Variants in RLF observed in about 807,000 individuals in gnomAD.
RLF encodes RLF zinc finger, also known as zinc finger protein Rlf.
A neutral mutation model predicts 162.9 loss-of-function variants in RLF; 7 were observed. The observed-to-expected ratio is 0.04, with a 90% CI of 0.02 to 0.08. The LOEUF (loss-of-function observed/expected upper bound fraction) is 0.08, where lower values mean the gene tolerates loss of function less well. RLF is among the 10% of genes least tolerant of loss of function. The probability of loss-of-function intolerance (pLI) is 1.00; values close to 1 mark genes in which losing one functional copy is unlikely to be tolerated. For missense variants in RLF, 1,664 were observed against 2,244.7 expected, an observed-to-expected ratio of 0.74 and a Z score of 5.23; for synonymous variants, 782 against 791.5, an observed-to-expected ratio of 0.99 and a Z score of 0.20.
chr1:40,175,239 C>A (rs1642304429), intron 1 of RLF, among the ~76,000 whole-genome samples: 1 of 151,914 alleles, frequency 6.6e-6, no homozygotes, highest in Admixed American at 6.6e-5. Context: ...CAGACGTTCC[C>A]ATAAAGTTCT....
At chr1:40,175,782 C>A (rs12041312) in intron 1 of RLF, among the ~76,000 whole-genome samples, 1 of 133,196 alleles carries the variant, frequency 7.5e-6, no homozygotes, top group African/African-American at 2.8e-5. Flanking sequence ...AAGACTCCAT[C>A]TCAAAAAAAA....
At chr1:40,166,375 G>A (rs1472749986) in intron 1 of RLF, among the ~76,000 whole-genome samples, 1 of 151,908 alleles carries the variant, frequency 6.6e-6, no homozygotes. Context: ...TGGAGAAATA[G>A]GAACACTTTT....
chr1:40,191,630 T>G (rs1642559106), intron 3 of RLF, among the ~76,000 whole-genome samples: 1 of 151,738 alleles, frequency 6.6e-6, no homozygotes, highest in African/African-American at 2.4e-5. Context: ...GGCAAGAGAA[T>G]CTCTTAAGCC....
At chr1:40,165,596 A>G (rs1478439332) in intron 1 of RLF, among the ~76,000 whole-genome samples, 1 of 152,028 alleles carries the variant, frequency 6.6e-6, no homozygotes, top group Non-Finnish European at 1.5e-5. Context: ...GACACTGTAC[A>G]TACCTGTAGT....
chr1:40,236,039 C>G lies in RLF; in HGVS notation c.1337C>G (p.Pro446Arg). Residue 446 changes from proline (P) to arginine (R), a missense_variant, in exon 8 of 8, where the codon CCG becomes CGG. Physicochemically the swap from Pro to Arg is moderately radical, Grantham distance 103. Around this residue, in one of 15 missense-constraint regions of RLF, gnomAD observed 287 missense variants for 404.9 expected, o/e 0.71. Coordinates refer to ENST00000372771, the MANE Select transcript of RLF (RefSeq NM_012421.4). This position sits in a 1 kb window ranked among gnomAD's most constrained non-coding sequence, Gnocchi z 7.7. Reference sequence around the variant, plus strand: ...CAAAAATTTGATGAAGAAAATGCACCGGTTCCAAATTCTCTTCGATGTGAG... The same window carrying G: ...CAAAAATTTGATGAAGAAAATGCACGGGTTCCAAATTCTCTTCGATGTGAG... Reference protein sequence around the residue: ...PDQKFDEENAPVPNSLRCELL... With the variant: ...PDQKFDEENARVPNSLRCELL... 1.2e-6 allele frequency: 2 copies of G among 1,613,552 alleles called. No individual in the cohort carries two copies. The highest frequency in any genetic ancestry group is 1.7e-6 in the Non-Finnish European group (2 of 1,179,874).
intron 4 of RLF, among the ~76,000 whole-genome samples, chr1:40,201,934 C>G (rs894203575): frequency 6.6e-6 from 1 of 152,014 alleles, no homozygotes; most frequent in Non-Finnish European, 1.5e-5. Flanking sequence ...CTAGGACTAT[C>G]TCTCAGGTCT....
chr1:40,235,200 T>A (rs1226629360), intron 7 of RLF, among the ~76,000 whole-genome samples: 6 of 151,944 alleles, frequency 3.9e-5, no homozygotes, highest in Non-Finnish European at 5.9e-5. Context: ...TAGCTGGGAT[T>A]ACAGGCATGC....
chr1:40,170,408 G>A (rs976809365), intron 1 of RLF, among the ~76,000 whole-genome samples: 6 of 152,020 alleles, frequency 3.9e-5, no homozygotes, highest in African/African-American at 7.2e-5. Flanking sequence ...GACCACAGGC[G>A]CGTGCCACCA....
In RLF at chr1:40,239,207, A is replaced by G. The variant is rs201414399; in HGVS notation, c.4505A>G (p.His1502Arg). ...TGTCAAACAGCTGATACTCAGGGGC[A>G]TGAACATCAGACCACCAGGAGATCA... is the stretch of plus-strand genomic sequence containing the variant. Reference protein sequence around the residue: ...KVCQTADTQGHEHQTTRRSFN... With the variant: ...KVCQTADTQGREHQTTRRSFN... The change falls in exon 8 of 8, where the codon CAT (histidine) becomes CGT (arginine). Residue 1502 changes from histidine (H) to arginine (R), a missense_variant. By Grantham distance (29) the His-to-Arg change is conservative. Around this residue, in one of 15 missense-constraint regions of RLF, gnomAD observed 200 missense variants for 207.3 expected, o/e 0.96. Coordinates refer to ENST00000372771, the MANE Select transcript of RLF (RefSeq NM_012421.4). 39 of 1,614,214 alleles carry G rather than the reference A, an allele frequency of 2.4e-5. No homozygotes were observed. In the East Asian group the frequency reaches 3.8e-4, roughly 16 times the overall value.
At position 40,186,469 on chromosome 1, in the gene RLF, A is replaced by C. The variant is rs1396236759; in HGVS notation, c.238-2586A>C. ...AACTGGAAGTTCCTCAAGAGTATTG[A>C]ATCTTTGAAATTGTGTAGCTTACAG... On this transcript the variant is annotated intron_variant, in intron 1 of 7. Transcript: ENST00000372771. Among the ~76,000 whole-genome samples, 4 of 152,218 alleles carry C rather than the reference A, an allele frequency of 2.6e-5. No individual in the cohort carries two copies. The East Asian group carries it at 7.7e-4, about 29-fold the overall frequency.
chr1:40,240,211 C>A lies in RLF; in HGVS notation c.5509C>A (p.His1837Asn), dbSNP rs201181495. The change falls in exon 8 of 8, where the codon CAT becomes AAT. Residue 1837 changes from histidine (H) to asparagine (N), a missense_variant. Physicochemically the swap from His to Asn is moderately conservative, Grantham distance 68. Transcript: ENST00000372771. The stretch of plus-strand genomic sequence containing the variant: ...TCATTCTTCCAGTGACTCTACAATT[C>A]ATGAGAACCTGACTGCAATCCCACC... ...IPHSSSDSTI[H>N]ENLTAIPPLI... 21 of 1,614,154 alleles carry A rather than the reference C, an allele frequency of 1.3e-5. No individual in the cohort carries two copies. The East Asian group carries it at 4.2e-4, about 33-fold the overall frequency.
In RLF at chr1:40,237,179, A is replaced by G. The variant is rs780341372; in HGVS notation, c.2477A>G (p.Asn826Ser). 23 of 1,613,886 alleles carry G rather than the reference A, an allele frequency of 1.4e-5. No individual in the cohort carries two copies. The highest frequency in any genetic ancestry group is 1.9e-5 in the Non-Finnish European group (23 of 1,179,970). ...TACCAGAATCACCTCTCAATGCATAATGTTGAAAATTCAAATGGAGACATA... is the reference window on the plus strand; with the variant it reads ...TACCAGAATCACCTCTCAATGCATAGTGTTGAAAATTCAAATGGAGACATA... ...IEYQNHLSMH[N>S]VENSNGDIKK... The change falls in exon 8 of 8, where the codon AAT becomes AGT. Residue 826 changes from asparagine to serine, a missense_variant. Around this residue, in one of 15 missense-constraint regions of RLF, gnomAD observed 295 missense variants for 317.4 expected, o/e 0.93. Coordinates refer to ENST00000372771, the MANE Select transcript of RLF (RefSeq NM_012421.4). The surrounding 1 kb of genome is among the most constrained non-coding windows in gnomAD (Gnocchi z 4.4).
chr1:40,184,511 G>T (rs1402210896), intron 1 of RLF, among the ~76,000 whole-genome samples: 3 of 152,182 alleles, frequency 2.0e-5, no homozygotes, highest in Admixed American at 2.0e-4. Flanking sequence ...GAACATAGGA[G>T]GAAGAGCATA....
At chr1:40,231,745 G>A (rs553439402) in intron 7 of RLF, 87 bp downstream of exon 7, 25 of 1,252,622 alleles carry the variant, frequency 2.0e-5, no homozygotes, top group Non-Finnish European at 8.9e-6. Flanking sequence ...CCCTTTAAAG[G>A]AAGATAAGAA....
Position 40,192,316 on chromosome 1 carries a change from C to T in RLF, c.474+1463C>T, listed in dbSNP as rs777893318. 1.5e-4 allele frequency among the ~76,000 whole-genome samples: 23 copies of T among 151,828 alleles called. 1 individual carries two copies. Among genetic ancestry groups the T allele is most frequent in the African/African-American group, 5.6e-4 (23 of 41,350 alleles). The stretch of plus-strand genomic sequence containing the variant: ...TAGGACTATTACTACTATATTAATA[C>T]TGTTTGAGTATCCCATATCTCAAAT... On this transcript the variant is annotated intron_variant, in intron 3 of 7. Transcript: ENST00000372771.
At chr1:40,203,083 G>T (rs1379908799) in intron 5 of RLF, among the ~76,000 whole-genome samples, 3 of 149,480 alleles carry the variant, frequency 2.0e-5, no homozygotes, top group African/African-American at 7.4e-5. Context: ...GGCCAAACTG[G>T]ATATCATGGA....
chr1:40,215,778 CA>C (rs1019995714), intron 5 of RLF, among the ~76,000 whole-genome samples: 3 of 151,842 alleles, frequency 2.0e-5, no homozygotes, highest in African/African-American at 7.3e-5. Context: ...TGATGAAACA[CA>C]ACATACCAAT....
rs529144497 is a variant in RLF at position 40,234,733 on chromosome 1, C to T, written c.1090-1059C>T. ...TCTAAAGTCTCTGCTCATAGCAGTG[C>T]GTTTTAAGCCACTCTGACATATCTT... On this transcript the variant is annotated intron_variant, in intron 7 of 7. Coordinates refer to ENST00000372771, the MANE Select transcript of RLF (RefSeq NM_012421.4). Among the ~76,000 whole-genome samples, 81 of 152,316 alleles carry T rather than the reference C, an allele frequency of 5.3e-4. 1 individual carries two copies. The highest frequency in any genetic ancestry group is 3.4e-3 in the Middle Eastern group (1 of 294).
Position 40,236,607 on chromosome 1 carries a change from A to G in RLF, c.1905A>G (p.Ala635=). Residue 635 remains alanine, a synonymous_variant, in exon 8 of 8, where the codon GCA becomes GCG. Transcript: ENST00000372771. This position sits in a 1 kb window ranked among gnomAD's most constrained non-coding sequence, Gnocchi z 7.7. ...QKGICPKSPS[A]IPEQNHSLND... ...GTATTTGTCCTAAGAGCCCCTCTGC[A>G]ATCCCAGAGCAAAACCATTCATTGA... is the stretch of plus-strand genomic sequence containing the variant. The G allele has an allele frequency of 6.2e-7, 1 of 1,614,192 alleles. No individual in the cohort carries two copies.
Sources: allele counts gnomAD v4.1 joint callset (sites outside exome capture counted in the v4.1 genomes callset), GRCh38; gene constraint gnomAD v4.1.1; regional missense constraint gnomAD v4.1.1; non-coding constraint Gnocchi (gnomAD v3.1); transcripts MANE v1.5; gene names NCBI Gene and HGNC (gene_info 2026-07-23, HGNC 2026-07-21).